The following KIRREL3 variants were observed in gnomAD, a reference collection of about 807,000 sequenced individuals.
KIRREL3 encodes the protein kirre like nephrin family adhesion molecule 3.
KIRREL3 carries 36 observed loss-of-function variants against 89.7 expected under a neutral mutation model. The ratio of observed to expected loss-of-function variants is 0.40; its 90% CI spans 0.31 to 0.53. The LOEUF (loss-of-function observed/expected upper bound fraction) is 0.53. Ranked by LOEUF, KIRREL3 falls within the 20% of genes least tolerant of loss-of-function variation. The pLI is 0.49. For synonymous variants in KIRREL3, 445 were observed against 441.4 expected, an observed-to-expected ratio of 1.01 and a Z score of -0.10; for missense variants, 864 against 1,056.6, an observed-to-expected ratio of 0.82 and a Z score of 2.53.
At chr11:126,437,972 G>A (rs1221354853) in intron 11 of KIRREL3, among the ~76,000 whole-genome samples, 9 of 152,038 alleles carry the variant, frequency 5.9e-5, no homozygotes, top group Non-Finnish European at 5.9e-5. Flanking sequence ...ACATGTACAC[G>A]GTAACACACC....
chr11:126,458,427 T>G (rs1956443959), intron 6 of KIRREL3, among the ~76,000 whole-genome samples: 1 of 151,326 alleles, frequency 6.6e-6, no homozygotes, highest in African/African-American at 2.4e-5. Context: ...AGTCATGCAC[T>G]CAGCCTCTAA....
rs937395521 is a variant in KIRREL3, at chr11:126,477,240, C to G, written c.434-3774G>C. On this transcript the variant is annotated intron_variant, in intron 4 of 16. Transcript: ENST00000525144. The surrounding 1 kb of genome is among the most constrained non-coding windows in gnomAD (Gnocchi z 4.8). ...GATGCTGAGCTCTTTACAGTTTACT[C>G]TCCCATTGGCCAGGACTGGAGCAGG... Among the ~76,000 whole-genome samples the G allele has an allele frequency of 6.6e-6, 1 of 152,232 alleles. No individual in the cohort carries two copies. The highest frequency in any genetic ancestry group is 1.5e-5 in the Non-Finnish European group (1 of 68,044).
chr11:126,579,473 G>A lies in KIRREL3; in HGVS notation c.56-16561C>T, dbSNP rs1278159536. ...CTCTGCAGAGTGCTCAGTGTCCCCA[G>A]GAACCACTCTCTAATTTAACGAATA... On this transcript the variant is annotated intron_variant, in intron 1 of 16. Transcript: ENST00000525144. The surrounding 1 kb of genome is among the most constrained non-coding windows in gnomAD (Gnocchi z 5.3). Among the ~76,000 whole-genome samples the A allele has an allele frequency of 6.6e-6, 1 of 152,092 alleles. No individual in the cohort carries two copies. The highest frequency in any genetic ancestry group is 6.5e-5 in the Admixed American group (1 of 15,274).
chr11:126,995,030 A>G lies in KIRREL3; in HGVS notation c.55+5425T>C. ...CTGTGTCTCGGTGCAGTCGATTCTC[A>G]CATCATTCCTCTAACTGGAAATAAA... On this transcript the variant is annotated intron_variant, in intron 1 of 16. Transcript: ENST00000525144. This position sits in a 1 kb window ranked among gnomAD's most constrained non-coding sequence, Gnocchi z 6.5. 2.7e-6 allele frequency: 1 copy of G among 367,076 alleles called. No homozygotes were observed. The highest frequency in any genetic ancestry group is 2.0e-5 in the South Asian group (1 of 49,758). 22.7% of individuals were successfully genotyped at this position (367,076 alleles called of 1,614,324 possible).
rs929550033 is a variant in KIRREL3, at chr11:126,900,896, G to A, written c.55+99559C>T. 6.6e-6 allele frequency among the ~76,000 whole-genome samples: 1 copy of A among 152,098 alleles called. No individual in the cohort carries two copies. The highest frequency in any genetic ancestry group is 2.1e-4 in the South Asian group (1 of 4,828). On this transcript the variant is annotated intron_variant, in intron 1 of 16. Transcript: ENST00000525144. This position sits in a 1 kb window ranked among gnomAD's most constrained non-coding sequence, Gnocchi z 4.4. Reference sequence around the variant, plus strand: ...TAACTGATTTTTTGTATGTAAAACTGTAGGAAAAAAGGGAAAGTTGGAAGG... The same window carrying A: ...TAACTGATTTTTTGTATGTAAAACTATAGGAAAAAAGGGAAAGTTGGAAGG...
At chr11:126,533,979 G>A (rs1249845761) in intron 2 of KIRREL3, among the ~76,000 whole-genome samples, 1 of 152,214 alleles carries the variant, frequency 6.6e-6, no homozygotes, top group Non-Finnish European at 1.5e-5. Flanking sequence ...ACCTGGAATG[G>A]CAGGTGGCTC....
chr11:126,584,057 C>A (rs936624449), intron 1 of KIRREL3, among the ~76,000 whole-genome samples: 1 of 152,210 alleles, frequency 6.6e-6, no homozygotes, highest in African/African-American at 2.4e-5. Flanking sequence ...TCAGCGTGCA[C>A]AATCTGGTGG....
chr11:126,514,880 T>C (rs897612480), intron 4 of KIRREL3, among the ~76,000 whole-genome samples: 7 of 150,240 alleles, frequency 4.7e-5, no homozygotes, highest in African/African-American at 1.7e-4. Flanking sequence ...AACACAATTG[T>C]CATCCGTGTT....
At chr11:126,629,316 G>A (rs913775421) in intron 1 of KIRREL3, among the ~76,000 whole-genome samples, 1 of 152,098 alleles carries the variant, frequency 6.6e-6, no homozygotes, top group Non-Finnish European at 1.5e-5. Flanking sequence ...AGCACAGTGG[G>A]GCTCTAAGAG....
intron 1 of KIRREL3, among the ~76,000 whole-genome samples, chr11:126,799,663 G>A (rs951351315): frequency 5.9e-5 from 9 of 152,156 alleles, no homozygotes; most frequent in Non-Finnish European, 1.3e-4. Context: ...GGAGCCAGGA[G>A]GAAGGAATGG....
intron 1 of KIRREL3, among the ~76,000 whole-genome samples, chr11:126,707,629 G>A (rs527737936): frequency 6.6e-6 from 1 of 152,296 alleles, no homozygotes; most frequent in South Asian, 2.1e-4. Flanking sequence ...CGCTGTTGGA[G>A]CCAGGGGCTA....
intron 6 of KIRREL3, 71 bp from the exon 7 acceptor site, chr11:126,456,525 G>GTCTCTGGCTGTATCCTCCAT: frequency 9.5e-7 from 1 of 1,049,678 alleles, no homozygotes; most frequent in Non-Finnish European, 1.4e-6. Flanking sequence ...GCGACATGGA[G>GTCTCTGGCTGTATCCTCCAT]GATACAGCCA....
Position 126,843,830 on chromosome 11 carries a change from C to T in KIRREL3, c.55+156625G>A, listed in dbSNP as rs1944044838. Among the ~76,000 whole-genome samples the T allele has an allele frequency of 6.6e-6, 1 of 152,142 alleles. No homozygotes were observed. The highest frequency in any genetic ancestry group is 2.4e-5 in the African/African-American group (1 of 41,434). ...CTCTGGTCATCCTCACTGCTACACT[C>T]CCACCCGTGCCATGACAGTTTACAA... On this transcript the variant is annotated intron_variant, in intron 1 of 16. Transcript: ENST00000525144. This position sits in a 1 kb window ranked among gnomAD's most constrained non-coding sequence, Gnocchi z 4.6.
chr11:126,952,660 G>C (rs1176324474), intron 1 of KIRREL3, among the ~76,000 whole-genome samples: 1 of 152,328 alleles, frequency 6.6e-6, no homozygotes, highest in East Asian at 1.9e-4. Context: ...CCTATGTCCT[G>C]AATGGTATTG....
chr11:126,811,407 G>A lies in KIRREL3; in HGVS notation c.55+189048C>T, dbSNP rs565168750. ...GGTAGGGGGCTGTGTCTGAATTTTGGTTAATTGCTGCATCCCTAGAACCCT... is the reference window on the plus strand; with the variant it reads ...GGTAGGGGGCTGTGTCTGAATTTTGATTAATTGCTGCATCCCTAGAACCCT... On this transcript the variant is annotated intron_variant, in intron 1 of 16. Transcript: ENST00000525144. The surrounding 1 kb of genome is among the most constrained non-coding windows in gnomAD (Gnocchi z 4.3). 3.3e-5 allele frequency among the ~76,000 whole-genome samples: 5 copies of A among 152,196 alleles called. 1 individual carries two copies. Among genetic ancestry groups the A allele is most frequent in the Middle Eastern group, 3.4e-3 (1 of 292 alleles).
At position 126,501,726 on chromosome 11, in the gene KIRREL3, C is replaced by G. The variant is rs1312041457; in HGVS notation, c.433+19589G>C. Among the ~76,000 whole-genome samples, 1 of 152,194 alleles carries G rather than the reference C, an allele frequency of 6.6e-6. No homozygotes were observed. The highest frequency in any genetic ancestry group is 6.5e-5 in the Admixed American group (1 of 15,288). On this transcript the variant is annotated intron_variant, in intron 4 of 16. Transcript: ENST00000525144. The surrounding 1 kb of genome is among the most constrained non-coding windows in gnomAD (Gnocchi z 5.8). ...CCTCCTTAAAGCCTACACTTGCCAA[C>G]TCGCCTGGCCCTGGGCACTGCTTGC...
At chr11:126,616,997 C>T (rs543364315) in intron 1 of KIRREL3, among the ~76,000 whole-genome samples, 1 of 152,356 alleles carries the variant, frequency 6.6e-6, no homozygotes, top group South Asian at 2.1e-4. Context: ...CTTACTTAAA[C>T]ATGACTTAAA....
intron 2 of KIRREL3, among the ~76,000 whole-genome samples, chr11:126,548,004 T>A (rs1386000071): frequency 6.6e-6 from 1 of 152,178 alleles, no homozygotes; most frequent in African/African-American, 2.4e-5. Flanking sequence ...CTTTGTGACG[T>A]GGTGAGGATT....
chr11:126,845,288 C>G (rs982634356), intron 1 of KIRREL3, among the ~76,000 whole-genome samples: 5 of 152,150 alleles, frequency 3.3e-5, no homozygotes, highest in Non-Finnish European at 2.9e-5. Flanking sequence ...AACCCAGAAG[C>G]CTGGCATGCT....
Sources: gnomAD v4.1 joint callset for allele counts (sites outside exome capture counted in the v4.1 genomes callset) on GRCh38, gnomAD v4.1.1 for gene constraint, Gnocchi (gnomAD v3.1) non-coding constraint, MANE v1.5 for transcripts, NCBI Gene and HGNC (gene_info 2026-07-23, HGNC 2026-07-21) for gene names.